PDIA6: variants seen among roughly 807,000 people sequenced by gnomAD.
PDIA6 encodes the protein protein disulfide-isomerase A6.
Under a neutral mutation model 58.4 loss-of-function variants are expected in PDIA6, and 29 were observed. The ratio of observed to expected loss-of-function variants is 0.50; its 90% confidence interval spans 0.37 to 0.68. The LOEUF (loss-of-function observed/expected upper bound fraction) is 0.68, where lower values mean the gene tolerates loss of function less well. Ranked by LOEUF, PDIA6 falls within the 30% of genes least tolerant of loss-of-function variation. PDIA6 has a pLI of 0.00. For missense variants in PDIA6, 480 were observed against 551.0 expected (o/e 0.87, Z 1.29); for synonymous variants, 192 against 202.6 (o/e 0.95, Z 0.44).
chr2:10,822,403 C>T (rs1667424719), intron 1 of PDIA6, among the ~76,000 whole-genome samples: 1 of 152,134 alleles, frequency 6.6e-6, no homozygotes, highest in Admixed American at 6.5e-5. Context: ...GCTGAGACTA[C>T]AGGCGCCCGC....
upstream of PDIA6, among the ~76,000 whole-genome samples, chr2:10,817,725 T>C (rs1456722178): frequency 6.6e-6 from 1 of 152,212 alleles, no homozygotes; most frequent in Non-Finnish European, 1.5e-5. Context: ...CACAGGGACC[T>C]TGGGGCCACT....
upstream of PDIA6, among the ~76,000 whole-genome samples, chr2:10,816,526 C>CT (rs201746817): frequency 0.042 from 5,638 of 135,110 alleles, 149 homozygotes; most frequent in African/African-American, 0.075. Flanking sequence ...TTTGTGCTTT[C>CT]TTTTTTTTTT....
At chr2:10,797,601 CA>C (rs1666324408) in intron 3 of PDIA6, 98 bp downstream of exon 3, 1 of 820,310 alleles carries the variant, frequency 1.2e-6, no homozygotes, top group Non-Finnish European at 2.0e-6. Flanking sequence ...AAACCATCTG[CA>C]TACTTATTAC....
At chr2:10,788,457 A>G (rs925672917) in intron 10 of PDIA6, among the ~76,000 whole-genome samples, 1 of 151,996 alleles carries the variant, frequency 6.6e-6, no homozygotes, top group African/African-American at 2.4e-5. Context: ...GAGTTTTGAG[A>G]CCAGCCTAGA....
chr2:10,815,754 AG>A (rs1667174321), upstream of PDIA6, among the ~76,000 whole-genome samples: 1 of 152,178 alleles, frequency 6.6e-6, no homozygotes, highest in Non-Finnish European at 1.5e-5. Context: ...CACATTGGCC[AG>A]GCTGGTCTCG....
At chr2:10,821,936 T>A (rs556671208) in intron 1 of PDIA6, among the ~76,000 whole-genome samples, 3 of 119,050 alleles carry the variant, frequency 2.5e-5, no homozygotes, top group Non-Finnish European at 5.4e-5. Flanking sequence ...ATATAAACGA[T>A]TTTTAAAATT....
chr2:10,826,648 C>T (rs1309559744), intron 1 of PDIA6, among the ~76,000 whole-genome samples: 2 of 152,222 alleles, frequency 1.3e-5, no homozygotes, highest in Non-Finnish European at 2.9e-5. Flanking sequence ...GCGTGAGCCG[C>T]TGTGCCAGGT....
At chr2:10,792,026 G>C in intron 5 of PDIA6, 101 bp from the exon 6 acceptor site, 1 of 1,279,568 alleles carries the variant, frequency 7.8e-7, no homozygotes, top group African/African-American at 1.5e-5. Flanking sequence ...AAGTTTTAGG[G>C]TTTTTCTTTA....
At chr2:10,812,602 G>A (rs980964165) in intron 1 of PDIA6, 76 bp downstream of exon 1, 7 of 1,386,060 alleles carry the variant, frequency 5.1e-6, no homozygotes, top group East Asian at 3.2e-5. Flanking sequence ...GCGGCCCGCC[G>A]GGGAACGGCC....
At chr2:10,792,913 G>A (rs149658622) in intron 5 of PDIA6, among the ~76,000 whole-genome samples, 183 bp downstream of exon 5, 1,693 of 152,314 alleles carry the variant, frequency 0.011, 25 homozygotes, top group Middle Eastern at 0.051. Flanking sequence ...GCAATTCTGA[G>A]GAGGCCAAAT....
intron 11 of PDIA6, among the ~76,000 whole-genome samples, chr2:10,786,016 A>C (rs1473263440): frequency 6.7e-6 from 1 of 149,046 alleles, no homozygotes; most frequent in East Asian, 2.2e-4. Flanking sequence ...ACCCAGCCCC[A>C]CAAACTTAAT....
At chr2:10,784,899 C>A (rs1665631903) in intron 12 of PDIA6, 35 bp downstream of exon 12, 4 of 1,425,418 alleles carry the variant, frequency 2.8e-6, no homozygotes, top group Non-Finnish European at 3.9e-6. Flanking sequence ...TAAACCAGGA[C>A]TGCTGCCCGC....
At chr2:10,812,303 C>G (rs887994140) in intron 1 of PDIA6, among the ~76,000 whole-genome samples, 2 of 150,640 alleles carry the variant, frequency 1.3e-5, no homozygotes, top group Non-Finnish European at 3.0e-5. Context: ...TCCCCACGCA[C>G]GAGTTCGAGA....
At chr2:10,813,936 GCTGGTCTCGAA>G (rs1667112385), upstream of PDIA6, among the ~76,000 whole-genome samples, 1 of 151,024 alleles carries the variant, frequency 6.6e-6, no homozygotes, top group South Asian at 2.1e-4. Context: ...TATTGGCCAG[GCTGGTCTCGAA>G]CTCCCGACCT....
rs191570646 is a variant in PDIA6 at position 10,803,762 on chromosome 2, A to G, written c.20-1122T>C. Among the ~76,000 whole-genome samples, 487 of 152,316 alleles carry G rather than the reference A, an allele frequency of 3.2e-3. 5 individuals carry two copies. Among genetic ancestry groups the G allele is most frequent in the Non-Finnish European group, 3.1e-3 (209 of 68,034 alleles). On this transcript the variant is annotated intron_variant, in intron 1 of 12. Transcript: ENST00000272227. ...CTTTTAAATTTACATATACAGTCAC[A>G]TCCACAGGGTCAAGGAGAGAACACA...
At chr2:10,833,329 A>T (rs985807813), upstream of PDIA6, among the ~76,000 whole-genome samples, 1 of 152,128 alleles carries the variant, frequency 6.6e-6, no homozygotes, top group Admixed American at 6.5e-5. Flanking sequence ...GCAGTTGTTA[A>T]TCATCCTTTC....
At position 10,788,911 on chromosome 2, in the gene PDIA6, T is replaced by C. The variant is rs1558439321; in HGVS notation, c.911A>G (p.His304Arg). The C allele has an allele frequency of 6.2e-7, 1 of 1,613,484 alleles. No homozygotes were observed. Among genetic ancestry groups the C allele is most frequent in the Non-Finnish European group, 8.5e-7 (1 of 1,179,370 alleles). ...HQLCVVAVLP[H>R]ILDTGAAGRN... ...GTCTGTCTTACCAGTATCAAGGATA[T>C]GGGGCAGCACAGCCACAACACAGAG... The change falls in exon 9 of 13, where the codon CAT becomes CGT. Residue 304 changes from histidine to arginine, a missense_variant. His to Arg is a conservative substitution (Grantham distance 29, BLOSUM62 0). Coordinates refer to ENST00000272227, the MANE Select transcript of PDIA6 (RefSeq NM_005742.4).
At chr2:10,796,274 C>T (rs1478201788) in intron 4 of PDIA6, among the ~76,000 whole-genome samples, 1 of 152,002 alleles carries the variant, frequency 6.6e-6, no homozygotes, top group Non-Finnish European at 1.5e-5. Context: ...AGGATGGTCT[C>T]GATCTCCTGA....
At chr2:10,792,601 G>A (rs1402545541) in intron 5 of PDIA6, among the ~76,000 whole-genome samples, 3 of 152,194 alleles carry the variant, frequency 2.0e-5, no homozygotes, top group African/African-American at 2.4e-5. Context: ...AAGAACATCA[G>A]TGTAAGCTTC....
Sources: gnomAD v4.1 joint callset for allele counts (sites outside exome capture counted in the v4.1 genomes callset) on GRCh38, gnomAD v4.1.1 for gene constraint, MANE v1.5 for transcripts, NCBI Gene and HGNC (gene_info 2026-07-23, HGNC 2026-07-21) for gene names.